Variants in MED15 observed in about 807,000 individuals in gnomAD.
MED15 encodes mediator complex subunit 15.
MED15 carries 41 observed loss-of-function variants against 118.7 expected under a neutral mutation model. That is an observed-to-expected ratio of 0.35 (90% CI 0.27 to 0.45). The LOEUF (loss-of-function observed/expected upper bound fraction) is 0.45. Ranked by LOEUF, MED15 falls within the 20% of genes least tolerant of loss-of-function variation. The pLI is 1.00. For missense variants in MED15, 740 were observed against 1,025.5 expected (o/e 0.72, Z 3.80); for synonymous variants, 436 against 413.9 (o/e 1.05, Z -0.65).
Position 20,555,057 on chromosome 22 carries a change from A to G in MED15, c.360A>G (p.Gly120=). 6.2e-7 allele frequency: 1 copy of G among 1,612,508 alleles called. No homozygotes were observed. Among genetic ancestry groups the G allele is most frequent in the Non-Finnish European group, 8.5e-7 (1 of 1,179,930 alleles). The change falls in exon 5 of 18, where the codon GGA becomes GGG. Residue 120 remains glycine, a synonymous_variant. Coordinates refer to ENST00000263205, the MANE Select transcript of MED15 (RefSeq NM_001003891.3). ...LGGMGSLGAM[G]QPMSLSGQPP... ...GGATGGGTAGCCTTGGTGCCATGGG[A>G]CAGCCAATGTCTCTCTCAGGGCAGC... is the stretch of plus-strand genomic sequence containing the variant.
chr22:20,541,694 G>A (rs2146467737), intron 2 of MED15, among the ~76,000 whole-genome samples: 1 of 151,202 alleles, frequency 6.6e-6, no homozygotes, highest in African/African-American at 2.4e-5. Context: ...TCTGTCGCCA[G>A]GCTAGAGTGC....
chr22:20,565,896 C>CCCAGGCACACACTTGGTG lies in MED15; in HGVS notation c.691-568_691-551dup, dbSNP rs372731181. Among the ~76,000 whole-genome samples, 928 of 152,228 alleles carry CCCAGGCACACACTTGGTG rather than the reference C, an allele frequency of 6.1e-3. 10 individuals carry two copies. Among genetic ancestry groups the CCCAGGCACACACTTGGTG allele is most frequent in the African/African-American group, 0.021 (882 of 41,528 alleles). Reference sequence around the variant, plus strand: ...ATCCTAGTGGAATGGTAGACCAGAGCCCAGGCACACACTTGGTGCCTCCCC... The same window carrying CCCAGGCACACACTTGGTG: ...ATCCTAGTGGAATGGTAGACCAGAGCCCAGGCACACACTTGGTGCCAGGCACACACTTGGTGCCTCCCC... On this transcript the variant is annotated intron_variant, in intron 6 of 17. Coordinates refer to ENST00000263205, the MANE Select transcript of MED15 (RefSeq NM_001003891.3).
intron 5 of MED15, among the ~76,000 whole-genome samples, chr22:20,561,024 G>T (rs1256542664): frequency 6.6e-6 from 1 of 152,098 alleles, no homozygotes; most frequent in African/African-American, 2.4e-5. Context: ...GTAAATTTGG[G>T]AAATGCTAAA....
chr22:20,560,001 G>A (rs2056171007), intron 5 of MED15, among the ~76,000 whole-genome samples: 1 of 152,138 alleles, frequency 6.6e-6, no homozygotes, highest in African/African-American at 2.4e-5. Context: ...GGGGATATTT[G>A]ACAATGTCTG....
chr22:20,586,581 C>T lies in MED15; in HGVS notation c.2244C>T (p.Phe748=), dbSNP rs2146693224. ...DRQWQYDANP[F]LQSVHRCMTS... ...GCTCTGTTGCAGACGCCAACCCCTTCCTCCAGTCGGTGCACCGCTGCATGA... is the reference window on the plus strand; with the variant it reads ...GCTCTGTTGCAGACGCCAACCCCTTTCTCCAGTCGGTGCACCGCTGCATGA... Residue 748 remains phenylalanine (F), a synonymous_variant, in exon 18 of 18, where the codon TTC becomes TTT. Transcript: ENST00000263205. 6.2e-7 allele frequency: 1 copy of T among 1,612,834 alleles called. No homozygotes were observed. Among genetic ancestry groups the T allele is most frequent in the Non-Finnish European group, 8.5e-7 (1 of 1,179,884 alleles).
At chr22:20,573,993 T>C (rs1213243416) in intron 8 of MED15, 1 of 152,228 alleles carries the variant, frequency 6.6e-6, no homozygotes, top group East Asian at 1.9e-4. Flanking sequence ...CACCCCGGCT[T>C]CTGGCACCTC....
At chr22:20,556,916 A>C (rs1203565697) in intron 5 of MED15, among the ~76,000 whole-genome samples, 1 of 152,196 alleles carries the variant, frequency 6.6e-6, no homozygotes, top group African/African-American at 2.4e-5. Context: ...CTTGAGACCC[A>C]GCCAGGTTTT....
intron 3 of MED15, 116 bp downstream of exon 3, chr22:20,551,603 C>G (rs1347285970): frequency 1.0e-6 from 1 of 952,648 alleles, no homozygotes; most frequent in African/African-American, 1.6e-5. Context: ...AGGTCTGTGT[C>G]ACCTCACTTG....
intron 1 of MED15, among the ~76,000 whole-genome samples, chr22:20,515,263 T>C (rs1371657187): frequency 6.6e-6 from 1 of 152,204 alleles, no homozygotes; most frequent in Non-Finnish European, 1.5e-5. Context: ...TCATGCTTTC[T>C]TTGTCAGTAG....
Position 20,546,502 on chromosome 22 carries a change from G to GTTTTT in MED15, c.157-4930_157-4926dup, listed in dbSNP as rs139110861. Among the ~76,000 whole-genome samples the GTTTTT allele has an allele frequency of 4.8e-4, 53 of 109,388 alleles. 4 individuals carry two copies. Among genetic ancestry groups the GTTTTT allele is most frequent in the East Asian group, 1.2e-3 (4 of 3,380 alleles). 71.8% of individuals were successfully genotyped at this position (109,388 alleles called of 152,430 possible). A position where few individuals can be genotyped will look rare whatever the true frequency, so the allele number is the denominator to read the frequency against. On this transcript the variant is annotated intron_variant, in intron 2 of 17. Transcript: ENST00000263205. Reference sequence around the variant, plus strand: ...TTTTCTCCCACATTCGTTACATGGAGTTTTTTTTGTTTTTTTTTTTTTGTC... The same window carrying GTTTTT: ...TTTTCTCCCACATTCGTTACATGGAGTTTTTTTTTTTTTGTTTTTTTTTTTTTGTC...
Position 20,582,560 on chromosome 22 carries a change from G to A in MED15, c.1273-51G>A, listed in dbSNP as rs1349939708. 5 of 1,534,998 alleles carry A rather than the reference G, an allele frequency of 3.3e-6. No homozygotes were observed. The Admixed American group carries it at 9.8e-5, about 30-fold the overall frequency. On this transcript the variant is annotated intron_variant, in intron 9 of 17. Coordinates refer to ENST00000263205, the MANE Select transcript of MED15 (RefSeq NM_001003891.3). ...CGTGCGGTGGGCAGGTGGTGTGGAG[G>A]CAGGCGGGCGGGCGTGTGGCAGCGC...
At chr22:20,535,749 C>T (rs187021216) in intron 1 of MED15, among the ~76,000 whole-genome samples, 13 of 151,736 alleles carry the variant, frequency 8.6e-5, no homozygotes, top group African/African-American at 2.2e-4. Flanking sequence ...TTAGTAGAGA[C>T]AGGGTTTCAC....
chr22:20,556,218 T>A (rs908116662), intron 5 of MED15, among the ~76,000 whole-genome samples: 1 of 152,134 alleles, frequency 6.6e-6, no homozygotes, highest in African/African-American at 2.4e-5. Context: ...TAATAGTATC[T>A]TACATAGAAC....
At chr22:20,521,709 T>C (rs1386720263) in intron 1 of MED15, among the ~76,000 whole-genome samples, 3 of 103,210 alleles carry the variant, frequency 2.9e-5, no homozygotes, top group African/African-American at 8.3e-5. Context: ...TTTATTTATT[T>C]ATTTATTTAT....
At chr22:20,571,047 A>G (rs2056645874) in intron 8 of MED15, among the ~76,000 whole-genome samples, 1 of 152,130 alleles carries the variant, frequency 6.6e-6, no homozygotes, top group African/African-American at 2.4e-5. Flanking sequence ...GGCGTGAGCC[A>G]CTGTGCCCAG....
At chr22:20,524,640 G>C (rs1054402455) in intron 1 of MED15, among the ~76,000 whole-genome samples, 1 of 152,044 alleles carries the variant, frequency 6.6e-6, no homozygotes, top group Non-Finnish European at 1.5e-5. Context: ...TTTTTGTTTT[G>C]AGACGGAGTC....
At chr22:20,554,674 C>CCTCT in intron 4 of MED15, 1 of 362,532 alleles carries the variant, frequency 2.8e-6, no homozygotes, top group Non-Finnish European at 5.0e-6. Context: ...CTGCAGGCAT[C>CCTCT]AGAGAGGTCA....
chr22:20,514,226 A>G (rs1407218295), intron 1 of MED15, among the ~76,000 whole-genome samples: 1 of 152,186 alleles, frequency 6.6e-6, no homozygotes, highest in African/African-American at 2.4e-5. Flanking sequence ...AGCCACCCTT[A>G]GAACCAATTT....
chr22:20,530,261 T>C (rs2054805870), intron 1 of MED15, among the ~76,000 whole-genome samples: 1 of 152,152 alleles, frequency 6.6e-6, no homozygotes, highest in Non-Finnish European at 1.5e-5. Context: ...GGAGGCTTCT[T>C]GGGTGGGGTG....
Sources: gnomAD v4.1 joint callset for allele counts (sites outside exome capture counted in the v4.1 genomes callset) on GRCh38, gnomAD v4.1.1 for gene constraint, MANE v1.5 for transcripts, NCBI Gene and HGNC (gene_info 2026-07-23, HGNC 2026-07-21) for gene names.